The following WDR7 variants were observed in gnomAD, a reference collection of about 807,000 sequenced individuals.
The protein encoded by WDR7 is WD repeat-containing protein 7.
A neutral mutation model predicts 169.4 loss-of-function variants in WDR7; 46 were observed. That is an observed-to-expected ratio of 0.27 (90% CI 0.21 to 0.35). The LOEUF (loss-of-function observed/expected upper bound fraction) is 0.35. Ranked by LOEUF, WDR7 falls within the 10% of genes least tolerant of loss-of-function variation. The pLI, the probability that WDR7 is intolerant of heterozygous loss-of-function variation, is 1.00. For synonymous variants in WDR7, 612 were observed against 666.8 expected, an observed-to-expected ratio of 0.92 and a Z score of 1.27; for missense variants, 1,534 against 1,859.3, an observed-to-expected ratio of 0.83 and a Z score of 3.22.
At chr18:56,712,194 G>A (rs1173951852) in intron 12 of WDR7, among the ~76,000 whole-genome samples, 1 of 152,240 alleles carries the variant, frequency 6.6e-6, no homozygotes, top group Non-Finnish European at 1.5e-5. Flanking sequence ...GCTAGTGGAT[G>A]GGATAAACTA....
intron 21 of WDR7, 69 bp from the exon 22 acceptor site, chr18:56,923,853 A>G: frequency 7.3e-7 from 1 of 1,364,010 alleles, no homozygotes; most frequent in East Asian, 2.7e-5. Context: ...TTTTGAAAGT[A>G]TGCTTCAAAA....
intron 14 of WDR7, among the ~76,000 whole-genome samples, chr18:56,746,358 C>G (rs949627008): frequency 6.6e-6 from 1 of 152,006 alleles, no homozygotes; most frequent in Non-Finnish European, 1.5e-5. Context: ...TTTTCTCAGG[C>G]AAATAGATGG....
intron 13 of WDR7, among the ~76,000 whole-genome samples, chr18:56,719,146 G>C (rs933928361): frequency 6.6e-6 from 1 of 152,048 alleles, no homozygotes; most frequent in Non-Finnish European, 1.5e-5. Context: ...ATACTTTTTG[G>C]TCAAGTTTTA....
At chr18:56,723,968 C>A (rs2026380244) in intron 13 of WDR7, among the ~76,000 whole-genome samples, 1 of 151,354 alleles carries the variant, frequency 6.6e-6, no homozygotes, top group South Asian at 2.1e-4. Flanking sequence ...TCTAATTGTT[C>A]CCATCTAGTA....
chr18:56,662,849 G>T (rs2024934688), intron 1 of WDR7, among the ~76,000 whole-genome samples: 1 of 152,036 alleles, frequency 6.6e-6, no homozygotes, highest in South Asian at 2.1e-4. Context: ...CTTAAAATTA[G>T]TATTAAAAAA....
At chr18:56,803,887 T>A (rs1158840524) in intron 19 of WDR7, among the ~76,000 whole-genome samples, 1 of 152,156 alleles carries the variant, frequency 6.6e-6, no homozygotes, top group African/African-American at 2.4e-5. Context: ...CTGCAGCCTT[T>A]ACCGCCCAAG....
chr18:56,873,396 T>C (rs1243334036), intron 20 of WDR7: 2 of 152,214 alleles, frequency 1.3e-5, no homozygotes, highest in Non-Finnish European at 2.9e-5. Context: ...TGTTTGAAAG[T>C]ACACTGTTAA....
intron 26 of WDR7, among the ~76,000 whole-genome samples, chr18:56,970,766 G>A (rs1263311474): frequency 1.3e-5 from 2 of 152,270 alleles, no homozygotes; most frequent in East Asian, 1.9e-4. Flanking sequence ...ACCCATTATT[G>A]TATCATCCAG....
At chr18:56,815,943 C>T (rs1358729714) in intron 19 of WDR7, 88 bp from the exon 20 acceptor site, 3 of 1,046,924 alleles carry the variant, frequency 2.9e-6, no homozygotes, top group Non-Finnish European at 4.1e-6. Context: ...TGTTTATGTC[C>T]ATTAAGTAAA....
At chr18:56,676,049 T>C (rs1292024338) in intron 2 of WDR7, among the ~76,000 whole-genome samples, 2 of 152,138 alleles carry the variant, frequency 1.3e-5, no homozygotes, top group Non-Finnish European at 2.9e-5. Flanking sequence ...TATATCTGGG[T>C]GCTCTGGTGC....
chr18:56,672,613 C>T lies in WDR7; in HGVS notation c.98C>T (p.Thr33Met), dbSNP rs989227778. The change falls in exon 2 of 28, where the codon ACG becomes ATG. Residue 33 changes from threonine (T) to methionine (M), a missense_variant. Physicochemically the swap from Thr to Met is moderately conservative, Grantham distance 81 (BLOSUM62 -1). Coordinates refer to ENST00000254442, the MANE Select transcript of WDR7 (RefSeq NM_015285.3). ...SAVLLTDDGATIVTGCHDGQI... is the reference protein window; with the variant it reads ...SAVLLTDDGAMIVTGCHDGQI... ...GTACTTTTAACAGATGATGGGGCCA[C>T]GATCGTAACAGGATGTCACGACGGA... 7 of 1,613,032 alleles carry T rather than the reference C, an allele frequency of 4.3e-6. No homozygotes were observed. The highest frequency in any genetic ancestry group is 1.7e-4 in the Middle Eastern group (1 of 6,060).
Position 56,686,953 on chromosome 18 carries a change from T to C in WDR7, c.696T>C (p.Val232=). The C allele has an allele frequency of 6.2e-7, 1 of 1,610,334 alleles. No homozygotes were observed. Among genetic ancestry groups the C allele is most frequent in the Non-Finnish European group, 8.5e-7 (1 of 1,177,356 alleles). Residue 232 remains valine (V), a synonymous_variant, in exon 7 of 28, where the codon GTT becomes GTC. Coordinates refer to ENST00000254442, the MANE Select transcript of WDR7 (RefSeq NM_015285.3). ...FCAFTQRSLL[V]VCSKYWRVFD... ...CATTTACACAAAGGTCACTTTTGGTTGTGTGTTCCAAATATTGGAGGGTAA... is the reference window on the plus strand; with the variant it reads ...CATTTACACAAAGGTCACTTTTGGTCGTGTGTTCCAAATATTGGAGGGTAA...
intron 7 of WDR7, among the ~76,000 whole-genome samples, chr18:56,688,652 C>A (rs1174073911): frequency 1.3e-5 from 2 of 151,834 alleles, no homozygotes; most frequent in Non-Finnish European, 2.9e-5. Context: ...TTACTTGAGC[C>A]CGGGAGGCAG....
chr18:56,680,675 T>C (rs1036327234), intron 3 of WDR7, among the ~76,000 whole-genome samples: 6 of 152,266 alleles, frequency 3.9e-5, no homozygotes, highest in Admixed American at 2.0e-4. Context: ...CAATGTTATA[T>C]CTTTCAATCT....
intron 21 of WDR7, among the ~76,000 whole-genome samples, chr18:56,897,742 G>A (rs2046349018): frequency 6.6e-6 from 1 of 151,882 alleles, no homozygotes; most frequent in South Asian, 2.1e-4. Flanking sequence ...TATGATTCAA[G>A]TATCTAAAAT....
chr18:56,939,225 G>T, intron 24 of WDR7, 86 bp from the exon 25 acceptor site: 1 of 959,524 alleles, frequency 1.0e-6, no homozygotes, highest in African/African-American at 1.7e-5. Flanking sequence ...GACTTTCTAT[G>T]GGCAAATGAG....
intron 16 of WDR7, among the ~76,000 whole-genome samples, chr18:56,761,647 T>C (rs1202410546): frequency 1.3e-5 from 2 of 151,942 alleles, no homozygotes; most frequent in African/African-American, 4.8e-5. Flanking sequence ...TTTATTTAGG[T>C]GTTCTTTATC....
chr18:56,938,591 C>T lies in WDR7; in HGVS notation c.3890C>T (p.Thr1297Ile). The change falls in exon 24 of 28, where the codon ACA becomes ATA. Residue 1297 changes from threonine to isoleucine, a missense_variant. Transcript: ENST00000254442. ...NTQSQQNMHT[T>I]TLARAKGEIL... is the part of the protein sequence containing the mutation. ...CAATCACAGCAGAATATGCACACAA[C>T]AACTCTTGCACGAGCTAAAGGGGAA... The T allele has an allele frequency of 1.2e-6, 2 of 1,613,910 alleles. No individual in the cohort carries two copies. The highest frequency in any genetic ancestry group is 1.7e-6 in the Non-Finnish European group (2 of 1,179,924).
At chr18:56,959,558 G>A (rs955101693) in intron 25 of WDR7, among the ~76,000 whole-genome samples, 6 of 152,184 alleles carry the variant, frequency 3.9e-5, no homozygotes, top group African/African-American at 1.2e-4. Flanking sequence ...CAGGTCATGG[G>A]CAACTGCCTA....
Sources: allele counts gnomAD v4.1 joint callset (sites outside exome capture counted in the v4.1 genomes callset), GRCh38; gene constraint gnomAD v4.1.1; transcripts MANE v1.5; gene names NCBI Gene and HGNC (gene_info 2026-07-23, HGNC 2026-07-21).